VCAN: variants seen among roughly 807,000 people sequenced by gnomAD.
The protein encoded by VCAN is versican, also known as versican core protein.
Under a neutral mutation model 245.5 loss-of-function variants are expected in VCAN, and 44 were observed. That is an observed-to-expected ratio of 0.18 (90% CI 0.14 to 0.23). The LOEUF (loss-of-function observed/expected upper bound fraction) is 0.23, where lower values mean the gene tolerates loss of function less well. VCAN is among the 10% of genes least tolerant of loss of function. The probability of loss-of-function intolerance (pLI) is 1.00; values close to 1 mark genes in which losing one functional copy is unlikely to be tolerated. For missense variants in VCAN, 3,793 were observed against 4,057.9 expected, an observed-to-expected ratio of 0.93 and a Z score of 1.77; for synonymous variants, 1,413 against 1,437.0, an observed-to-expected ratio of 0.98 and a Z score of 0.38.
rs1744932735 is a variant in VCAN at position 83,490,186 on chromosome 5, A to G, written c.159A>G (p.Pro53=). Residue 53 remains proline (P), a synonymous_variant, in exon 3 of 15, where the codon CCA becomes CCG. Transcript: ENST00000265077. The part of the protein sequence containing the change: ...PCHFSTMPTL[P]PSYNTSEFLR... Reference sequence around the variant, plus strand: ...ATTTTTCAACGATGCCTACTTTGCCACCCAGTTACAACACCAGTGAATTTC... The same window carrying G: ...ATTTTTCAACGATGCCTACTTTGCCGCCCAGTTACAACACCAGTGAATTTC... 3.1e-6 allele frequency: 5 copies of G among 1,614,146 alleles called. No individual in the cohort carries two copies. The highest frequency in any genetic ancestry group is 4.2e-6 in the Non-Finnish European group (5 of 1,180,030).
chr5:83,564,724 G>T (rs1748009532), intron 12 of VCAN, among the ~76,000 whole-genome samples: 1 of 151,018 alleles, frequency 6.6e-6, no homozygotes, highest in Non-Finnish European at 1.5e-5. Flanking sequence ...AATGTTTGGA[G>T]GAAAACAGAG....
intron 7 of VCAN, among the ~76,000 whole-genome samples, chr5:83,532,078 T>C (rs1006357251): frequency 2.6e-5 from 4 of 152,108 alleles, no homozygotes; most frequent in Non-Finnish European, 5.9e-5. Flanking sequence ...ATTACACCAT[T>C]GGGTTGCTCT....
chr5:83,509,071 G>A (rs1045854692), intron 5 of VCAN, among the ~76,000 whole-genome samples: 27 of 148,476 alleles, frequency 1.8e-4, no homozygotes, highest in Non-Finnish European at 3.6e-4. Context: ...AGAAAAGAAA[G>A]AAAGAAAGAA....
intron 7 of VCAN, among the ~76,000 whole-genome samples, chr5:83,533,563 T>A (rs779347111): frequency 2.0e-5 from 3 of 152,126 alleles, no homozygotes; most frequent in Non-Finnish European, 2.9e-5. Context: ...AGATATTACA[T>A]TCTGGGCAGC....
intron 5 of VCAN, among the ~76,000 whole-genome samples, chr5:83,499,157 T>G (rs930505599): frequency 6.6e-6 from 1 of 152,110 alleles, no homozygotes; most frequent in African/African-American, 2.4e-5. Context: ...TTTTGGCTAT[T>G]GCAGCTCACA....
chr5:83,542,989 G>A (rs1226832461), intron 8 of VCAN, among the ~76,000 whole-genome samples: 1 of 152,168 alleles, frequency 6.6e-6, no homozygotes, highest in Non-Finnish European at 1.5e-5. Flanking sequence ...CTGTGTGAAA[G>A]GGTAAGAGGT....
At chr5:83,474,383 A>C (rs1224822257) in intron 1 of VCAN, among the ~76,000 whole-genome samples, 1 of 152,116 alleles carries the variant, frequency 6.6e-6, no homozygotes, top group African/African-American at 2.4e-5. Context: ...GACTCGTTTT[A>C]GGATACTCTT....
intron 6 of VCAN, 95 bp from the exon 7 acceptor site, chr5:83,519,254 T>A (rs1193877066): frequency 7.6e-7 from 1 of 1,318,094 alleles, no homozygotes; most frequent in Non-Finnish European, 1.1e-6. Context: ...CCAAAAATAC[T>A]CCCTACAAAA....
intron 5 of VCAN, among the ~76,000 whole-genome samples, chr5:83,499,936 A>G (rs1424029507): frequency 6.6e-6 from 1 of 152,170 alleles, no homozygotes; most frequent in Non-Finnish European, 1.5e-5. Context: ...AAACATTTAG[A>G]TAAACATCAT....
rs1746913129 is a variant in VCAN at position 83,540,207 on chromosome 5, C to G, written c.7204C>G (p.Leu2402Val). Residue 2402 changes from leucine (L) to valine (V), a missense_variant, in exon 8 of 15, where the codon CTG becomes GTG. Transcript: ENST00000265077. ...AACAACAACCTCATCTACTGATTTT[C>G]TGGCTAGAGCTTATGGTTTTGAAAT... ...NETTTSSTDF[L>V]ARAYGFEMAK... 6.2e-7 allele frequency: 1 copy of G among 1,613,956 alleles called. No individual in the cohort carries two copies. The highest frequency in any genetic ancestry group is 8.5e-7 in the Non-Finnish European group (1 of 1,180,006).
chr5:83,497,219 C>T (rs546141745), intron 5 of VCAN, among the ~76,000 whole-genome samples: 32 of 152,144 alleles, frequency 2.1e-4, no homozygotes, highest in Admixed American at 1.4e-3. Context: ...ATTAATTTTC[C>T]GTTTTAATTT....
intron 6 of VCAN, 98 bp downstream of exon 6, chr5:83,512,494 T>C (rs1444876852): frequency 1.0e-5 from 14 of 1,400,524 alleles, no homozygotes; most frequent in Non-Finnish European, 1.4e-5. Context: ...ATTCCATGTC[T>C]TGCAGTGTGT....
intron 12 of VCAN, among the ~76,000 whole-genome samples, chr5:83,559,098 A>G (rs1747771064): frequency 6.6e-6 from 1 of 152,152 alleles, no homozygotes. Context: ...TAACTTCACT[A>G]ATGAATTGCT....
intron 2 of VCAN, among the ~76,000 whole-genome samples, chr5:83,488,860 G>C (rs1744873459): frequency 1.3e-5 from 2 of 152,070 alleles, no homozygotes; most frequent in Admixed American, 1.3e-4. Context: ...GGATTTATTT[G>C]CATCACATGA....
chr5:83,508,622 T>G (rs1745553281), intron 5 of VCAN, among the ~76,000 whole-genome samples: 1 of 152,236 alleles, frequency 6.6e-6, no homozygotes, highest in South Asian at 2.1e-4. Flanking sequence ...TTTAAGTCAC[T>G]TTTTTCCTTT....
rs988102406 is a variant in VCAN at position 83,519,414 on chromosome 5, G to A, written c.1108G>A (p.Glu370Lys). 5 of 1,613,920 alleles carry A rather than the reference G, an allele frequency of 3.1e-6. No homozygotes were observed. Among genetic ancestry groups the A allele is most frequent in the African/African-American group, 1.3e-5 (1 of 74,910 alleles). Residue 370 changes from glutamate (E) to lysine (K), a missense_variant, in exon 7 of 15, where the codon GAA becomes AAA. By Grantham distance (56) the Glu-to-Lys change is moderately conservative (BLOSUM62 1). This residue lies in a region of VCAN where 3,182 missense variants were observed against 3,250.3 expected (regional missense o/e 0.98). Transcript: ENST00000265077. ...AETASPSLSK[E>K]PQMVSDRTTP... is the part of the protein sequence containing the mutation. ...AACTGCATCACCCAGTTTATCCAAA[G>A]AACCACAAATGGTTTCTGATAGAAC...
chr5:83,530,219 C>T (rs1438384493), intron 7 of VCAN, among the ~76,000 whole-genome samples: 1 of 150,776 alleles, frequency 6.6e-6, no homozygotes, highest in African/African-American at 2.5e-5. Context: ...TGATAACTAC[C>T]AATTTAATTT....
chr5:83,505,346 G>A (rs1745451399), intron 5 of VCAN, among the ~76,000 whole-genome samples: 1 of 152,178 alleles, frequency 6.6e-6, no homozygotes, highest in African/African-American at 2.4e-5. Context: ...GGGGATACAG[G>A]TATTGGGTAA....
intron 1 of VCAN, among the ~76,000 whole-genome samples, chr5:83,476,443 A>AAAACATAAAACCCAGTG (rs1744395000): frequency 6.6e-6 from 1 of 152,214 alleles, no homozygotes; most frequent in Non-Finnish European, 1.5e-5. Context: ...ACCAGTTAGG[A>AAAACATAAAACCCAGTG]CTGACAAACA....
Sources: gnomAD v4.1 joint callset for allele counts (sites outside exome capture counted in the v4.1 genomes callset) on GRCh38, gnomAD v4.1.1 for gene constraint, gnomAD v4.1.1 regional missense constraint, MANE v1.5 for transcripts, NCBI Gene and HGNC (gene_info 2026-07-23, HGNC 2026-07-21) for gene names.